The following NKAIN3 variants were observed in gnomAD, a reference collection of about 807,000 sequenced individuals.
NKAIN3 encodes the protein sodium/potassium-transporting ATPase subunit beta-1-interacting protein 3.
Under a neutral mutation model 30.2 loss-of-function variants are expected in NKAIN3, and 25 were observed. That is an observed-to-expected ratio of 0.83 (90% CI 0.60 to 1.16). The LOEUF (loss-of-function observed/expected upper bound fraction) is 1.16, where lower values mean the gene tolerates loss of function less well. Ranked by LOEUF, NKAIN3 falls within the 50% of genes most tolerant of loss-of-function variation. The probability of loss-of-function intolerance (pLI) is 0.00; values close to 1 mark genes in which losing one functional copy is unlikely to be tolerated. For missense variants in NKAIN3, 225 were observed against 254.1 expected, an observed-to-expected ratio of 0.89 and a Z score of 0.78; for synonymous variants, 91 against 89.6, an observed-to-expected ratio of 1.02 and a Z score of -0.09.
intron 4 of NKAIN3, among the ~76,000 whole-genome samples, chr8:62,783,624 T>C (rs978199352): frequency 4.0e-5 from 6 of 150,160 alleles, no homozygotes; most frequent in Non-Finnish European, 7.4e-5. Context: ...TTTTTTTTTT[T>C]TGAGACAGGG....
intron 5 of NKAIN3, among the ~76,000 whole-genome samples, chr8:62,920,789 C>T (rs1822254005): frequency 6.6e-6 from 1 of 152,142 alleles, no homozygotes; most frequent in African/African-American, 2.4e-5. Context: ...CAAATTGACT[C>T]AGAGTCAAAA....
intron 1 of NKAIN3, among the ~76,000 whole-genome samples, chr8:62,528,929 AC>A (rs1190639362): frequency 6.6e-6 from 1 of 152,168 alleles, no homozygotes; most frequent in Admixed American, 6.6e-5. Context: ...CTAATTTTAT[AC>A]ATAAGAAAAA....
intron 4 of NKAIN3, among the ~76,000 whole-genome samples, chr8:62,754,198 T>C (rs891709217): frequency 1.3e-5 from 2 of 152,152 alleles, no homozygotes; most frequent in Non-Finnish European, 2.9e-5. Context: ...TATTTGATCA[T>C]TTAGAGGCAC....
At chr8:62,313,097 C>T (rs1030507042) in intron 1 of NKAIN3, among the ~76,000 whole-genome samples, 2 of 151,812 alleles carry the variant, frequency 1.3e-5, no homozygotes, top group Non-Finnish European at 2.9e-5. Flanking sequence ...CAATTCCTAT[C>T]CCCCATTCTA....
At chr8:62,422,492 GTCTTA>G (rs1804673174) in intron 1 of NKAIN3, among the ~76,000 whole-genome samples, 1 of 152,128 alleles carries the variant, frequency 6.6e-6, no homozygotes, top group African/African-American at 2.4e-5. Flanking sequence ...TATCAGTGAA[GTCTTA>G]TCTTTTTAAC....
At chr8:62,460,626 C>G (rs905333892) in intron 1 of NKAIN3, among the ~76,000 whole-genome samples, 2 of 152,070 alleles carry the variant, frequency 1.3e-5, no homozygotes, top group African/African-American at 4.8e-5. Context: ...AAGAAGAGCT[C>G]ACATTCTCAC....
rs115177867 is a variant in NKAIN3 at position 62,604,147 on chromosome 8, G to A, written c.273+14353G>A. ...TCTGAGGACTAATAGAAAATAGTGA[G>A]AAAGTTACTAGAGTGAAGATTGTCC... On this transcript the variant is annotated intron_variant, in intron 3 of 6. Coordinates refer to ENST00000623646, the MANE Select transcript of NKAIN3 (RefSeq NM_001304533.3). 1.9e-3 allele frequency among the ~76,000 whole-genome samples: 287 copies of A among 152,220 alleles called. 1 individual carries two copies. The highest frequency in any genetic ancestry group is 6.8e-3 in the African/African-American group (282 of 41,560).
At chr8:62,377,684 G>T (rs1057503783) in intron 1 of NKAIN3, among the ~76,000 whole-genome samples, 1 of 152,062 alleles carries the variant, frequency 6.6e-6, no homozygotes, top group African/African-American at 2.4e-5. Flanking sequence ...TCATGATAGT[G>T]AGTGAGTTCT....
At chr8:62,754,902 A>C (rs536489343) in intron 4 of NKAIN3, among the ~76,000 whole-genome samples, 18 of 152,344 alleles carry the variant, frequency 1.2e-4, no homozygotes, top group African/African-American at 4.1e-4. Flanking sequence ...CACAGAGTGC[A>C]AGAATGTAAG....
chr8:62,378,491 G>T (rs1186122444), intron 1 of NKAIN3, among the ~76,000 whole-genome samples: 1 of 152,160 alleles, frequency 6.6e-6, no homozygotes, highest in Non-Finnish European at 1.5e-5. Context: ...CCCATCACAG[G>T]CCTGGAGGCC....
At chr8:62,331,028 A>C (rs1432818683) in intron 1 of NKAIN3, among the ~76,000 whole-genome samples, 14 of 140,930 alleles carry the variant, frequency 9.9e-5, no homozygotes, top group East Asian at 2.2e-4. Context: ...ATATGTATGT[A>C]TCTCCCTTCC....
intron 1 of NKAIN3, among the ~76,000 whole-genome samples, chr8:62,345,017 C>G (rs1326220119): frequency 6.6e-6 from 1 of 151,680 alleles, no homozygotes; most frequent in Admixed American, 6.6e-5. Flanking sequence ...AGATCTTTTA[C>G]GTCTTCGATT....
At chr8:62,594,074 T>G (rs929566275) in intron 3 of NKAIN3, among the ~76,000 whole-genome samples, 4 of 151,994 alleles carry the variant, frequency 2.6e-5, no homozygotes, top group South Asian at 2.1e-4. Flanking sequence ...TGCCTGGAAT[T>G]TCTCTTTAAA....
chr8:62,538,906 CCCTTA>C (rs1808752092), intron 1 of NKAIN3, among the ~76,000 whole-genome samples: 1 of 152,076 alleles, frequency 6.6e-6, no homozygotes, highest in African/African-American at 2.4e-5. Context: ...CCACTTTATC[CCCTTA>C]CCTTATTTCA....
intron 4 of NKAIN3, among the ~76,000 whole-genome samples, chr8:62,804,743 G>A (rs1235224353): frequency 6.6e-6 from 1 of 152,136 alleles, no homozygotes; most frequent in East Asian, 1.9e-4. Flanking sequence ...ACTGGCAAAA[G>A]ACAGGGATGC....
chr8:62,670,566 T>C (rs1813267653), intron 3 of NKAIN3, among the ~76,000 whole-genome samples: 1 of 152,062 alleles, frequency 6.6e-6, no homozygotes, highest in South Asian at 2.1e-4. Context: ...GCTGCGTTGG[T>C]TGGTTAGAGA....
intron 1 of NKAIN3, among the ~76,000 whole-genome samples, chr8:62,479,897 A>T (rs1027320443): frequency 2.0e-5 from 3 of 152,210 alleles, no homozygotes; most frequent in Admixed American, 1.3e-4. Flanking sequence ...GACAATAAGG[A>T]AACAAGTGAG....
At chr8:62,688,737 GACAGACACACACACAC>G (rs1182702312) in intron 3 of NKAIN3, among the ~76,000 whole-genome samples, 2 of 146,442 alleles carry the variant, frequency 1.4e-5, no homozygotes, top group Non-Finnish European at 3.0e-5. Flanking sequence ...CAGACAGACA[GACAGACACACACACAC>G]ACACACACAC....
intron 4 of NKAIN3, among the ~76,000 whole-genome samples, chr8:62,907,816 G>A (rs1345357543): frequency 6.6e-6 from 1 of 152,244 alleles, no homozygotes; most frequent in Non-Finnish European, 1.5e-5. Context: ...GTGTGCTGCA[G>A]GAGCACAGCC....
Sources: gnomAD v4.1 joint callset for allele counts (sites outside exome capture counted in the v4.1 genomes callset) on GRCh38, gnomAD v4.1.1 for gene constraint, MANE v1.5 for transcripts, NCBI Gene and HGNC (gene_info 2026-07-23, HGNC 2026-07-21) for gene names.